CAMK1D: variants seen among roughly 807,000 people sequenced by gnomAD.
CAMK1D encodes the protein calcium/calmodulin-dependent protein kinase type 1D.
In CAMK1D, 9 loss-of-function variants were observed where a neutral mutation model predicts 47.7. That is an observed-to-expected ratio of 0.19 (90% confidence interval 0.11 to 0.33). The LOEUF (loss-of-function observed/expected upper bound fraction) is 0.33, where lower values mean the gene tolerates loss of function less well. Ranked by LOEUF, CAMK1D falls within the 10% of genes least tolerant of loss-of-function variation. CAMK1D has a pLI of 1.00. For synonymous variants in CAMK1D, 184 were observed against 184.9 expected, an observed-to-expected ratio of 0.99 and a Z score of 0.04; for missense variants, 291 against 488.7, an observed-to-expected ratio of 0.60 and a Z score of 3.81.
chr10:12,621,109 T>C (rs548370290), intron 2 of CAMK1D, among the ~76,000 whole-genome samples: 3 of 152,348 alleles, frequency 2.0e-5, no homozygotes, highest in South Asian at 4.1e-4. Flanking sequence ...CTTAGACATA[T>C]GGGTTTATTT....
chr10:12,756,712 G>A (rs1468958632), intron 3 of CAMK1D, among the ~76,000 whole-genome samples: 1 of 152,132 alleles, frequency 6.6e-6, no homozygotes, highest in Non-Finnish European at 1.5e-5. Context: ...GGATCACGAG[G>A]TCAGAAGATC....
chr10:12,694,183 T>TTATATATTATATAA lies in CAMK1D; in HGVS notation c.299+27373_299+27374insTATATATTATATAA, dbSNP rs1564498356. Among the ~76,000 whole-genome samples, 35 of 25,724 alleles carry TTATATATTATATAA rather than the reference T, an allele frequency of 1.4e-3. 4 individuals carry two copies. Among genetic ancestry groups the TTATATATTATATAA allele is most frequent in the Non-Finnish European group, 1.8e-3 (25 of 14,048 alleles). 16.9% of individuals were successfully genotyped at this position (25,724 alleles called of 152,430 possible). A position where few individuals can be genotyped will look rare whatever the true frequency, so the allele number is the denominator to read the frequency against. ...TATTATGCATAATATATATTATATA[T>TTATATATTATATAA]AATATAATATATATTATATATTATG... is the stretch of plus-strand genomic sequence containing the variant. On this transcript the variant is annotated intron_variant, in intron 3 of 10. Transcript: ENST00000619168.
At chr10:12,500,302 A>G (rs1258742670) in intron 1 of CAMK1D, among the ~76,000 whole-genome samples, 2 of 152,114 alleles carry the variant, frequency 1.3e-5, no homozygotes, top group Admixed American at 1.3e-4. Context: ...AAAACCCACA[A>G]AAAACGCTGT....
intron 2 of CAMK1D, among the ~76,000 whole-genome samples, chr10:12,651,071 C>T (rs1839948098): frequency 6.6e-6 from 1 of 152,166 alleles, no homozygotes; most frequent in South Asian, 2.1e-4. Flanking sequence ...CGATTTACGG[C>T]ACTTTGCTCC....
intron 2 of CAMK1D, among the ~76,000 whole-genome samples, chr10:12,567,098 T>C (rs2132303906): frequency 6.6e-6 from 1 of 152,318 alleles, no homozygotes; most frequent in Non-Finnish European, 1.5e-5. Context: ...GCCAGTTTCT[T>C]GTGAATACAA....
intron 2 of CAMK1D, among the ~76,000 whole-genome samples, chr10:12,635,002 TG>T (rs1237397211): frequency 1.3e-5 from 2 of 152,196 alleles, no homozygotes; most frequent in Non-Finnish European, 2.9e-5. Context: ...GAAGAGAGGA[TG>T]CAGCCGTGAC....
Position 12,394,047 on chromosome 10 carries a change from C to T in CAMK1D, c.92+44137C>T, listed in dbSNP as rs1034463752. 3.3e-5 allele frequency among the ~76,000 whole-genome samples: 5 copies of T among 152,236 alleles called. No homozygotes were observed. In the East Asian group the frequency reaches 7.7e-4, roughly 23 times the overall value. ...GACGCCAGTCACAAGTCCTAGGTTG[C>T]GGCTCGTGCTTTTGGCCGACTGGCC... On this transcript the variant is annotated intron_variant, in intron 1 of 10. Coordinates refer to ENST00000619168, the MANE Select transcript of CAMK1D (RefSeq NM_153498.4).
chr10:12,755,748 A>G (rs1351403552), intron 3 of CAMK1D, among the ~76,000 whole-genome samples: 7 of 152,156 alleles, frequency 4.6e-5, no homozygotes, highest in Non-Finnish European at 1.0e-4. Context: ...AATAATAATA[A>G]TAATGTAAAT....
At chr10:12,726,253 G>C (rs1834629411) in intron 3 of CAMK1D, among the ~76,000 whole-genome samples, 1 of 151,676 alleles carries the variant, frequency 6.6e-6, no homozygotes, top group South Asian at 2.1e-4. Flanking sequence ...GTGAAACCCT[G>C]TTTCTACTAA....
At chr10:12,805,151 C>T (rs866553659) in intron 6 of CAMK1D, among the ~76,000 whole-genome samples, 3 of 150,012 alleles carry the variant, frequency 2.0e-5, no homozygotes, top group Non-Finnish European at 4.4e-5. Flanking sequence ...CCCAGCTACT[C>T]GGGAGGCTGA....
chr10:12,353,494 C>T (rs1209209811), intron 1 of CAMK1D, among the ~76,000 whole-genome samples: 6 of 152,052 alleles, frequency 3.9e-5, no homozygotes, highest in Non-Finnish European at 5.9e-5. Context: ...GGGGTCAAGG[C>T]GGTTAGGCTG....
intron 1 of CAMK1D, among the ~76,000 whole-genome samples, chr10:12,543,370 T>G (rs1296358875): frequency 6.6e-6 from 1 of 151,984 alleles, no homozygotes; most frequent in Non-Finnish European, 1.5e-5. Context: ...ATTAACAACT[T>G]TAGGTTAAAT....
intron 1 of CAMK1D, among the ~76,000 whole-genome samples, chr10:12,385,443 C>A (rs1403694537): frequency 6.6e-6 from 1 of 152,184 alleles, no homozygotes; most frequent in Non-Finnish European, 1.5e-5. Context: ...TTGATATATG[C>A]TACTACTCAT....
At chr10:12,805,556 G>A (rs1285055369) in intron 6 of CAMK1D, among the ~76,000 whole-genome samples, 1 of 151,870 alleles carries the variant, frequency 6.6e-6, no homozygotes, top group Non-Finnish European at 1.5e-5. Context: ...TTTTAGTGGA[G>A]ATGGGGTTTT....
intron 2 of CAMK1D, among the ~76,000 whole-genome samples, chr10:12,594,874 G>C (rs1838098191): frequency 6.6e-6 from 1 of 152,156 alleles, no homozygotes; most frequent in Admixed American, 6.5e-5. Flanking sequence ...TTGCAGCCAG[G>C]CCCAGGCTGC....
intron 2 of CAMK1D, among the ~76,000 whole-genome samples, chr10:12,570,168 C>G (rs1284350304): frequency 6.6e-6 from 1 of 151,870 alleles, no homozygotes; most frequent in Non-Finnish European, 1.5e-5. Flanking sequence ...CCACTGCACT[C>G]CAGCCTGGGC....
At chr10:12,513,068 T>G (rs978634062) in intron 1 of CAMK1D, among the ~76,000 whole-genome samples, 1 of 152,200 alleles carries the variant, frequency 6.6e-6, no homozygotes, top group African/African-American at 2.4e-5. Context: ...GAGGAAATTC[T>G]GAAAGGGGAT....
At chr10:12,456,589 G>A (rs1317039238) in intron 1 of CAMK1D, 1 of 151,944 alleles carries the variant, frequency 6.6e-6, no homozygotes, top group African/African-American at 2.4e-5. Flanking sequence ...ACTCAGCCTG[G>A]GCAACATGGT....
intron 1 of CAMK1D, among the ~76,000 whole-genome samples, chr10:12,461,687 CAAAA>C (rs57291391): frequency 3.3e-5 from 3 of 90,372 alleles, no homozygotes; most frequent in Admixed American, 1.3e-4. Context: ...GGCTTCATCT[CAAAA>C]AAAAAAAAAA....
Sources: gnomAD v4.1 joint callset for allele counts (sites outside exome capture counted in the v4.1 genomes callset) on GRCh38, gnomAD v4.1.1 for gene constraint, MANE v1.5 for transcripts, NCBI Gene and HGNC (gene_info 2026-07-23, HGNC 2026-07-21) for gene names.